Variants in IGFL2 observed in about 807,000 individuals in gnomAD.
IGFL2 encodes IGF like family member 2.
In IGFL2, 7 loss-of-function variants were observed where a neutral mutation model predicts 13.9. The observed-to-expected ratio is 0.51, with a 90% CI of 0.29 to 0.95. The LOEUF (loss-of-function observed/expected upper bound fraction) is 0.95. IGFL2 is among the 40% of genes least tolerant of loss of function. IGFL2 has a pLI of 0.08. For synonymous variants in IGFL2, 55 were observed against 55.8 expected, an observed-to-expected ratio of 0.99 and a Z score of 0.07; for missense variants, 138 against 147.8, an observed-to-expected ratio of 0.93 and a Z score of 0.34.
At chr19:46,172,012 A>G in the IGFL2 span, among the ~76,000 whole-genome samples, 1 of 152,214 alleles carries the variant, frequency 6.6e-6, no homozygotes, top group Admixed American at 6.5e-5. Flanking sequence ...AATGATAGAA[A>G]CATCCCTAAT....
the IGFL2 span, among the ~76,000 whole-genome samples, chr19:46,118,005 A>G: frequency 6.6e-6 from 1 of 152,022 alleles, no homozygotes; most frequent in Middle Eastern, 3.2e-3. Context: ...CTAATAATCT[A>G]CTGTTGATTT....
the IGFL2 span, among the ~76,000 whole-genome samples, chr19:46,184,616 A>G: frequency 2.6e-5 from 4 of 152,088 alleles, no homozygotes; most frequent in African/African-American, 7.2e-5. Flanking sequence ...ATAGTATTCC[A>G]TGGTATGTAT....
intron 1 of IGFL2, chr19:46,160,130 C>T (rs1974068648): frequency 4.3e-6 from 2 of 459,956 alleles, no homozygotes; most frequent in Non-Finnish European, 7.9e-6. Context: ...CAGCTGCTCC[C>T]TCCTTTTTCC....
chr19:46,145,604 G>A (rs931788370), upstream of IGFL2, among the ~76,000 whole-genome samples: 38 of 53,336 alleles, frequency 7.1e-4, no homozygotes, highest in African/African-American at 1.4e-3. Flanking sequence ...ATATATATGT[G>A]TGTGTGTGTG....
the IGFL2 span, among the ~76,000 whole-genome samples, chr19:46,200,514 T>TTCTTTTC: frequency 3.0e-5 from 3 of 100,174 alleles, no homozygotes; most frequent in East Asian, 2.8e-4. Flanking sequence ...CTTTTCTCTT[T>TTCTTTTC]TCTTTTCTTT....
the IGFL2 span, among the ~76,000 whole-genome samples, chr19:46,114,343 T>G: frequency 1.3e-5 from 2 of 152,200 alleles, no homozygotes; most frequent in African/African-American, 4.8e-5. Context: ...CTATAAAGCT[T>G]TCCTACTCCT....
chr19:46,127,776 T>C, the IGFL2 span, among the ~76,000 whole-genome samples: 1 of 152,174 alleles, frequency 6.6e-6, no homozygotes, highest in Admixed American at 6.5e-5. Context: ...TTTTTTAAAA[T>C]GTTAAAAAAT....
At chr19:46,095,877 T>A in the IGFL2 span, among the ~76,000 whole-genome samples, 1 of 152,186 alleles carries the variant, frequency 6.6e-6, no homozygotes, top group African/African-American at 2.4e-5. Context: ...TCTATTCTGT[T>A]CCATTGGTCT....
chr19:46,195,556 G>A, the IGFL2 span, among the ~76,000 whole-genome samples: 1 of 152,116 alleles, frequency 6.6e-6, no homozygotes, highest in African/African-American at 2.4e-5. Flanking sequence ...TACACGCAAA[G>A]ACAGAGGAGT....
chr19:46,185,960 A>G, the IGFL2 span, among the ~76,000 whole-genome samples: 1 of 152,068 alleles, frequency 6.6e-6, no homozygotes. Flanking sequence ...TGAGAGGGCT[A>G]TGGTGGGCGT....
At chr19:46,084,589 C>A in the IGFL2 span, among the ~76,000 whole-genome samples, 4 of 152,224 alleles carry the variant, frequency 2.6e-5, no homozygotes, top group African/African-American at 9.6e-5. Flanking sequence ...GTGCCAACAT[C>A]TGCTTCTGAG....
chr19:46,150,813 G>A (rs116046774), intron 1 of IGFL2, among the ~76,000 whole-genome samples: 1 of 152,092 alleles, frequency 6.6e-6, no homozygotes, highest in African/African-American at 2.4e-5. Context: ...GAGACCACAG[G>A]CACGCACCAC....
At chr19:46,187,250 C>T in the IGFL2 span, among the ~76,000 whole-genome samples, 3 of 149,846 alleles carry the variant, frequency 2.0e-5, no homozygotes, top group Non-Finnish European at 4.4e-5. Context: ...GGTTGTGCTG[C>T]TGGTGTGTGC....
chr19:46,110,006 A>G, the IGFL2 span, among the ~76,000 whole-genome samples: 1 of 152,190 alleles, frequency 6.6e-6, no homozygotes, highest in Non-Finnish European at 1.5e-5. Context: ...TTTTCGTCTG[A>G]GCTGCATAAC....
At position 46,160,431 on chromosome 19, in the gene IGFL2, A is replaced by C. The variant is rs761467903; in HGVS notation, c.36A>C (p.Ser12=). The change falls in exon 2 of 4, where the codon TCA becomes TCC. Residue 12 remains serine (S), a synonymous_variant. Coordinates refer to ENST00000377693, the MANE Select transcript of IGFL2 (RefSeq NM_001135113.2). Reference sequence around the variant, plus strand: ...CTCTCCCAGCTCCTGCTTATGTGTCAGTCTGTCTCCTCCTCTTGTGTCCAA... The same window carrying C: ...CTCTCCCAGCTCCTGCTTATGTGTCCGTCTGTCTCCTCCTCTTGTGTCCAA... ...VPRIFAPAYV[S]VCLLLLCPRE... 4 of 1,613,538 alleles carry C rather than the reference A, an allele frequency of 2.5e-6. No individual in the cohort carries two copies. The highest frequency in any genetic ancestry group is 3.4e-6 in the Non-Finnish European group (4 of 1,179,696).
At chr19:46,141,429 T>C (rs1000730387), upstream of IGFL2, among the ~76,000 whole-genome samples, 1 of 151,992 alleles carries the variant, frequency 6.6e-6, no homozygotes, top group African/African-American at 2.4e-5. Flanking sequence ...AGAATGCAAA[T>C]CTGGTCATGA....
At chr19:46,109,280 C>G in the IGFL2 span, among the ~76,000 whole-genome samples, 1 of 151,858 alleles carries the variant, frequency 6.6e-6, no homozygotes, top group Non-Finnish European at 1.5e-5. Flanking sequence ...GTGGATCTTA[C>G]CAAGTACATT....
At chr19:46,195,551 G>A in the IGFL2 span, among the ~76,000 whole-genome samples, 3 of 151,972 alleles carry the variant, frequency 2.0e-5, no homozygotes, top group East Asian at 1.9e-4. Context: ...TTATATACAC[G>A]CAAAGACAGA....
chr19:46,084,840 A>G, the IGFL2 span, among the ~76,000 whole-genome samples: 11 of 152,306 alleles, frequency 7.2e-5, no homozygotes, highest in African/African-American at 2.6e-4. Context: ...GAATACAAAG[A>G]TCCAGACCAT....
Sources: allele counts gnomAD v4.1 joint callset (sites outside exome capture counted in the v4.1 genomes callset), GRCh38; gene constraint gnomAD v4.1.1; transcripts MANE v1.5; gene names NCBI Gene and HGNC (gene_info 2026-07-23, HGNC 2026-07-21).